The following ENOX2 variants were observed in gnomAD, a reference collection of about 807,000 sequenced individuals.
The protein encoded by ENOX2 is APK1 antigen.
A neutral mutation model predicts 45.0 loss-of-function variants in ENOX2; 36 were observed. The observed-to-expected ratio is 0.80, with a 90% CI of 0.61 to 1.06. The LOEUF (loss-of-function observed/expected upper bound fraction) is 1.06, where lower values mean the gene tolerates loss of function less well. Ranked by LOEUF, ENOX2 falls within the 50% of genes least tolerant of loss-of-function variation. ENOX2 has a pLI of 0.00. For synonymous variants in ENOX2, 174 were observed against 152.3 expected (o/e 1.14, Z -1.05); for missense variants, 423 against 462.5 (o/e 0.91, Z 0.78).
intron 2 of ENOX2, among the ~76,000 whole-genome samples, chrX:130,884,452 G>T (rs1482258032): frequency 9.0e-6 from 1 of 111,157 alleles, no homozygotes; most frequent in Non-Finnish European, 1.9e-5. Context: ...TGAACATCGA[G>T]TCATTAATCT....
intron 8 of ENOX2, among the ~76,000 whole-genome samples, chrX:130,667,207 T>C (rs1307384498): frequency 8.9e-6 from 1 of 112,417 alleles, no homozygotes; most frequent in Non-Finnish European, 1.9e-5. Flanking sequence ...AAAATGCTGA[T>C]GCTACATCGT....
intron 4 of ENOX2, among the ~76,000 whole-genome samples, 169 bp from the exon 5 acceptor site, chrX:130,689,187 A>G (rs1290549630): frequency 4.5e-5 from 5 of 111,894 alleles, no homozygotes; most frequent in Non-Finnish European, 7.5e-5. Flanking sequence ...ATAGTTGTGC[A>G]TTTTCCTTTC....
At chrX:130,713,530 G>C (rs748405183) in intron 3 of ENOX2, among the ~76,000 whole-genome samples, 1 of 111,508 alleles carries the variant, frequency 9.0e-6, no homozygotes, top group East Asian at 2.8e-4. Flanking sequence ...CCCTTGAGAG[G>C]CTCTTTTGGG....
intron 4 of ENOX2, among the ~76,000 whole-genome samples, chrX:130,700,867 C>T (rs1401301330): frequency 9.0e-6 from 1 of 111,515 alleles, no homozygotes; most frequent in Non-Finnish European, 1.9e-5. Flanking sequence ...AGAGCAAGGA[C>T]TCAAACCCAT....
At chrX:130,792,962 C>T (rs1347088673) in intron 2 of ENOX2, among the ~76,000 whole-genome samples, 1 of 112,295 alleles carries the variant, frequency 8.9e-6, no homozygotes, top group Non-Finnish European at 1.9e-5. Flanking sequence ...GAAACTTCTG[C>T]TGGACAGTGC....
intron 10 of ENOX2, among the ~76,000 whole-genome samples, chrX:130,656,300 C>T (rs1238275394): frequency 1.8e-5 from 2 of 112,539 alleles, no homozygotes; most frequent in Non-Finnish European, 3.8e-5. Context: ...TCTGACTATA[C>T]TAGGTTACAG....
chrX:130,649,727 T>C (rs775120467), intron 10 of ENOX2, among the ~76,000 whole-genome samples: 12 of 112,413 alleles, frequency 1.1e-4, no homozygotes, highest in Non-Finnish European at 5.6e-5. Flanking sequence ...TTGTGTCTCT[T>C]GGATTCCAAG....
rs559317655 is a variant in ENOX2, at chrX:130,736,829, G to A, written c.-38-33575C>T. 3.6e-4 allele frequency among the ~76,000 whole-genome samples: 40 copies of A among 111,625 alleles called. No homozygotes were observed. In the South Asian group the frequency reaches 0.01, roughly 29 times the overall value. On this transcript the variant is annotated intron_variant, in intron 3 of 14. Transcript: ENST00000394363. ...AATGGCTTGGAGACATCACTGGAGC[G>A]TCTCATTTTTGCTACTTGAGATGAT... is the stretch of plus-strand genomic sequence containing the variant.
At chrX:130,873,525 C>T (rs1014081434) in intron 2 of ENOX2, among the ~76,000 whole-genome samples, 2 of 111,366 alleles carry the variant, frequency 1.8e-5, no homozygotes, top group South Asian at 7.6e-4. Flanking sequence ...ACCATTTGAC[C>T]CAGCAATCCC....
chrX:130,873,228 G>A (rs183855614), intron 2 of ENOX2, among the ~76,000 whole-genome samples: 329 of 112,020 alleles, frequency 2.9e-3, no homozygotes, highest in Non-Finnish European at 2.8e-3. Flanking sequence ...CAAAAAGTGG[G>A]TGAAGGATAC....
chrX:130,638,991 AAAAC>A (rs946926188), intron 10 of ENOX2, among the ~76,000 whole-genome samples: 6 of 110,629 alleles, frequency 5.4e-5, no homozygotes, highest in African/African-American at 1.6e-4. Flanking sequence ...AGTCTTGGAA[AAAAC>A]AAACAAACAA....
chrX:130,808,379 G>C (rs1488269655), intron 2 of ENOX2, among the ~76,000 whole-genome samples: 1 of 111,437 alleles, frequency 9.0e-6, no homozygotes, highest in Non-Finnish European at 1.9e-5. Context: ...TTAGAGCTAA[G>C]ACAACAAAAA....
intron 4 of ENOX2, among the ~76,000 whole-genome samples, chrX:130,690,930 A>G (rs1252020874): frequency 1.8e-5 from 2 of 111,454 alleles, no homozygotes; most frequent in Non-Finnish European, 3.8e-5. Flanking sequence ...ATGTTTGGGA[A>G]GAAAAAAATT....
chrX:130,818,183 C>A, intron 2 of ENOX2, among the ~76,000 whole-genome samples: 3 of 111,097 alleles, frequency 2.7e-5, no homozygotes, highest in Non-Finnish European at 5.7e-5. Context: ...AATAAAATAC[C>A]TAGGAATACA....
chrX:130,737,205 A>AC (rs61255742), intron 3 of ENOX2, among the ~76,000 whole-genome samples: 1,772 of 111,993 alleles, frequency 0.016, 35 homozygotes, highest in African/African-American at 0.055. Context: ...GGCAAAATAT[A>AC]ATGGGGAAAA....
rs1361746719 is a variant in ENOX2, at chrX:130,667,416, G to A, written c.907+114C>T. ...AAGGAGAGCACAAGGCAGTGAAAAA[G>A]GGAGCCTTGAGCCTTAACACAGGAT... On this transcript the variant is annotated intron_variant, in intron 8 of 14. Transcript: ENST00000394363. 6.5e-6 allele frequency: 4 copies of A among 616,706 alleles called. No homozygotes were observed. The East Asian group carries it at 1.3e-4, about 20-fold the overall frequency. 50.8% of individuals were successfully genotyped at this position (616,706 alleles called of 1,213,427 possible).
intron 2 of ENOX2, among the ~76,000 whole-genome samples, chrX:130,880,660 G>A (rs938875141): frequency 7.1e-5 from 8 of 111,972 alleles, no homozygotes; most frequent in Non-Finnish European, 3.8e-5. Flanking sequence ...AATAGTGAAA[G>A]GGACTATGAG....
intron 7 of ENOX2, among the ~76,000 whole-genome samples, chrX:130,669,477 A>G (rs923512216): frequency 6.2e-5 from 7 of 112,111 alleles, no homozygotes; most frequent in African/African-American, 2.3e-4. Flanking sequence ...TGAGTCATCT[A>G]AGAAGAATGT....
At position 130,849,725 on chromosome X, in the gene ENOX2, G is replaced by A. The variant is rs192318547; in HGVS notation, c.-183+51959C>T. Among the ~76,000 whole-genome samples the A allele has an allele frequency of 5.0e-3, 556 of 112,112 alleles. 2 individuals are homozygous for A. The highest frequency in any genetic ancestry group is 0.017 in the African/African-American group (531 of 30,860). On this transcript the variant is annotated intron_variant, in intron 2 of 14. Transcript: ENST00000394363. Reference sequence around the variant, plus strand: ...GTTCTAAGAGCATTATTAACTATATGTATGACCTTGAACAAATCACTCAAC... The same window carrying A: ...GTTCTAAGAGCATTATTAACTATATATATGACCTTGAACAAATCACTCAAC...
Sources: allele counts gnomAD v4.1 joint callset (sites outside exome capture counted in the v4.1 genomes callset), GRCh38; gene constraint gnomAD v4.1.1; transcripts MANE v1.5; gene names NCBI Gene and HGNC (gene_info 2026-07-23, HGNC 2026-07-21).